SLC35F1: variants seen among roughly 807,000 people sequenced by gnomAD.
The protein encoded by SLC35F1 is chromosome 6 open reading frame 169.
Under a neutral mutation model 48.7 loss-of-function variants are expected in SLC35F1, and 14 were observed. The observed-to-expected ratio is 0.29, with a 90% CI of 0.19 to 0.45. SLC35F1 has a LOEUF of 0.45. SLC35F1 is among the 20% of genes least tolerant of loss of function. The pLI is 1.00. For synonymous variants in SLC35F1, 190 were observed against 202.2 expected (o/e 0.94, Z 0.51); for missense variants, 404 against 500.0 (o/e 0.81, Z 1.83).
intron 1 of SLC35F1, among the ~76,000 whole-genome samples, chr6:118,007,979 A>G (rs1777196424): frequency 6.6e-6 from 1 of 152,132 alleles, no homozygotes; most frequent in African/African-American, 2.4e-5. Context: ...GCGGGGGGCT[A>G]CTTCCAGCAA....
intron 1 of SLC35F1, among the ~76,000 whole-genome samples, chr6:117,960,914 A>G (rs1189436563): frequency 6.6e-6 from 1 of 152,146 alleles, no homozygotes; most frequent in Non-Finnish European, 1.5e-5. Flanking sequence ...CCACCTAGGA[A>G]CTTAAGAGCT....
chr6:118,232,634 G>C (rs1015792866), intron 2 of SLC35F1, among the ~76,000 whole-genome samples: 3 of 151,698 alleles, frequency 2.0e-5, no homozygotes, highest in East Asian at 1.9e-4. Context: ...ATCAAGGAAG[G>C]CTTCCTGGTA....
intron 2 of SLC35F1, among the ~76,000 whole-genome samples, chr6:118,216,839 A>G (rs1775080208): frequency 6.6e-6 from 1 of 152,160 alleles, no homozygotes. Flanking sequence ...TCAATGCAAA[A>G]CAGTACCTAC....
intron 2 of SLC35F1, among the ~76,000 whole-genome samples, chr6:118,198,696 A>G (rs943586226): frequency 6.6e-6 from 1 of 152,194 alleles, no homozygotes; most frequent in Non-Finnish European, 1.5e-5. Flanking sequence ...ATATATACCC[A>G]TATGTCACAT....
chr6:117,953,222 A>T (rs1776385415), intron 1 of SLC35F1, among the ~76,000 whole-genome samples: 1 of 152,148 alleles, frequency 6.6e-6, no homozygotes, highest in South Asian at 2.1e-4. Context: ...TTTGGCAGAG[A>T]ATGTAATAGG....
At chr6:117,957,409 GT>G (rs753941518) in intron 1 of SLC35F1, among the ~76,000 whole-genome samples, 53 of 152,272 alleles carry the variant, frequency 3.5e-4, no homozygotes, top group Non-Finnish European at 7.1e-4. Flanking sequence ...TACTGAATAT[GT>G]ATAAGAATTT....
At chr6:118,047,713 T>C (rs1424501026) in intron 1 of SLC35F1, among the ~76,000 whole-genome samples, 1 of 152,184 alleles carries the variant, frequency 6.6e-6, no homozygotes, top group African/African-American at 2.4e-5. Flanking sequence ...AAACTGGCTC[T>C]GGAAATAATA....
At chr6:118,308,736 T>C (rs1276990603) in intron 7 of SLC35F1, among the ~76,000 whole-genome samples, 1 of 152,222 alleles carries the variant, frequency 6.6e-6, no homozygotes, top group Non-Finnish European at 1.5e-5. Flanking sequence ...GCGAAATACC[T>C]TTTCATCAGA....
At chr6:118,238,963 A>T (rs993268346) in intron 3 of SLC35F1, among the ~76,000 whole-genome samples, 7 of 152,010 alleles carry the variant, frequency 4.6e-5, no homozygotes, top group African/African-American at 1.4e-4. Flanking sequence ...CCATTAAGGG[A>T]GAGGTGAGAC....
chr6:118,277,581 T>C, intron 6 of SLC35F1, 35 bp downstream of exon 6: 2 of 1,594,456 alleles, frequency 1.3e-6, no homozygotes, highest in Non-Finnish European at 1.7e-6. Flanking sequence ...GCTCTTTTTA[T>C]AACCTGAGAA....
rs1306062222 is a variant in SLC35F1, at chr6:117,942,540, A to T, written c.173+34641A>T. On this transcript the variant is annotated intron_variant, in intron 1 of 7. Transcript: ENST00000360388. ...TGTCCATCTTAGTTTAATGGGATTAATTTCATTGGATGGCTTACATTTTGT... is the reference window on the plus strand; with the variant it reads ...TGTCCATCTTAGTTTAATGGGATTATTTTCATTGGATGGCTTACATTTTGT... Among the ~76,000 whole-genome samples, 3 of 152,342 alleles carry T rather than the reference A, an allele frequency of 2.0e-5. No individual in the cohort carries two copies. In the East Asian group the frequency reaches 5.8e-4, roughly 29 times the overall value.
At chr6:118,004,549 T>C (rs2114870791) in intron 1 of SLC35F1, among the ~76,000 whole-genome samples, 1 of 152,304 alleles carries the variant, frequency 6.6e-6, no homozygotes, top group South Asian at 2.1e-4. Flanking sequence ...TCAACAATCT[T>C]GTTTTCAATT....
At chr6:118,114,961 G>A (rs1023072251) in intron 1 of SLC35F1, among the ~76,000 whole-genome samples, 3 of 152,160 alleles carry the variant, frequency 2.0e-5, no homozygotes, top group African/African-American at 7.2e-5. Context: ...ACTGTTCAGA[G>A]AAGCAGCATC....
chr6:118,002,342 A>G (rs1277307895), intron 1 of SLC35F1, among the ~76,000 whole-genome samples: 1 of 152,128 alleles, frequency 6.6e-6, no homozygotes, highest in South Asian at 2.1e-4. Context: ...TCAGCATACT[A>G]TCGCAAGGAC....
At chr6:118,297,714 TATATA>T (rs370081025) in intron 7 of SLC35F1, among the ~76,000 whole-genome samples, 15,603 of 142,366 alleles carry the variant, frequency 0.11, 1,306 homozygotes, top group African/African-American at 0.21. Flanking sequence ...TTCTGAGAAA[TATATA>T]TTATATATAT....
At chr6:118,073,500 G>A (rs765076115) in intron 1 of SLC35F1, among the ~76,000 whole-genome samples, 70 of 152,174 alleles carry the variant, frequency 4.6e-4, no homozygotes, top group Non-Finnish European at 4.0e-4. Flanking sequence ...AGTATTCACT[G>A]TTATTAGTTA....
chr6:118,313,795 G>A (rs1169501148), intron 7 of SLC35F1, among the ~76,000 whole-genome samples: 1 of 152,158 alleles, frequency 6.6e-6, no homozygotes, highest in Non-Finnish European at 1.5e-5. Context: ...CTTTAGAGAT[G>A]ATTAGCTAAG....
At chr6:118,074,282 T>C (rs1451670990) in intron 1 of SLC35F1, among the ~76,000 whole-genome samples, 1 of 152,240 alleles carries the variant, frequency 6.6e-6, no homozygotes, top group Non-Finnish European at 1.5e-5. Context: ...TTCCTACCTG[T>C]ATAAAGAAAG....
intron 2 of SLC35F1, among the ~76,000 whole-genome samples, chr6:118,166,585 A>G (rs981806853): frequency 2.6e-5 from 4 of 152,220 alleles, no homozygotes; most frequent in Non-Finnish European, 5.9e-5. Flanking sequence ...CTCACCTTCT[A>G]AAAATAAAGT....
Sources: gnomAD v4.1 joint callset for allele counts (sites outside exome capture counted in the v4.1 genomes callset) on GRCh38, gnomAD v4.1.1 for gene constraint, MANE v1.5 for transcripts, NCBI Gene and HGNC (gene_info 2026-07-23, HGNC 2026-07-21) for gene names.